Variants in TINAG observed in about 807,000 individuals in gnomAD.
The protein encoded by TINAG is tubulointerstitial nephritis antigen.
In TINAG, 83 loss-of-function variants were observed where a neutral mutation model predicts 72.7. The ratio of observed to expected loss-of-function variants is 1.14; its 90% CI spans 0.96 to 1.37. The LOEUF is 1.37. Ranked by LOEUF, TINAG falls within the 40% of genes most tolerant of loss-of-function variation. The pLI, the probability that TINAG is intolerant of heterozygous loss-of-function variation, is 0.00. For missense variants in TINAG, 685 were observed against 576.6 expected, an observed-to-expected ratio of 1.19 and a Z score of -1.93; for synonymous variants, 234 against 189.9, an observed-to-expected ratio of 1.23 and a Z score of -1.91.
intron 8 of TINAG, among the ~76,000 whole-genome samples, chr6:54,354,249 C>T (rs78386871): frequency 1.3e-5 from 2 of 151,856 alleles, no homozygotes; most frequent in African/African-American, 4.8e-5. Context: ...TTGGTAGTAG[C>T]GTCTCTGTTG....
At chr6:54,330,929 A>G (rs1280791600) in intron 4 of TINAG, among the ~76,000 whole-genome samples, 1 of 152,202 alleles carries the variant, frequency 6.6e-6, no homozygotes. Flanking sequence ...CCCTGCACAA[A>G]GACCAGTAAC....
intron 10 of TINAG, 146 bp downstream of exon 10, chr6:54,380,717 C>CTTA (rs1763920985): frequency 1.0e-5 from 5 of 494,374 alleles, no homozygotes; most frequent in Non-Finnish European, 7.0e-6. Flanking sequence ...CAGCACAAAA[C>CTTA]TTATTATAAA....
chr6:54,348,570 A>G (rs1785183262), intron 6 of TINAG, among the ~76,000 whole-genome samples: 1 of 152,032 alleles, frequency 6.6e-6, no homozygotes, highest in Non-Finnish European at 1.5e-5. Flanking sequence ...TCAGATGGAC[A>G]CCTTCTCACA....
At chr6:54,374,452 G>C (rs7758586) in intron 9 of TINAG, among the ~76,000 whole-genome samples, 2 of 151,972 alleles carry the variant, frequency 1.3e-5, no homozygotes, top group African/African-American at 4.8e-5. Flanking sequence ...TGTGGAGTCT[G>C]TTTCTATCCA....
chr6:54,382,749 A>G (rs1419152161), intron 10 of TINAG, among the ~76,000 whole-genome samples: 1 of 152,064 alleles, frequency 6.6e-6, no homozygotes, highest in East Asian at 1.9e-4. Flanking sequence ...AACCAATAAA[A>G]TTTGTCTACA....
chr6:54,322,907 T>C (rs1784525059), intron 3 of TINAG, among the ~76,000 whole-genome samples: 1 of 152,212 alleles, frequency 6.6e-6, no homozygotes, highest in Non-Finnish European at 1.5e-5. Flanking sequence ...CTAAAAGGGT[T>C]CAAATGCTAG....
intron 9 of TINAG, among the ~76,000 whole-genome samples, chr6:54,375,437 C>T (rs1282460331): frequency 6.6e-6 from 1 of 152,142 alleles, no homozygotes; most frequent in Non-Finnish European, 1.5e-5. Flanking sequence ...TAATCAGAAA[C>T]ACATCTCTGT....
intron 9 of TINAG, among the ~76,000 whole-genome samples, chr6:54,370,496 T>C (rs1306140462): frequency 6.6e-6 from 1 of 152,152 alleles, no homozygotes; most frequent in Non-Finnish European, 1.5e-5. Context: ...CTCTCAAGTT[T>C]ATTCTTAATT....
intron 5 of TINAG, among the ~76,000 whole-genome samples, chr6:54,344,684 A>T (rs1785079052): frequency 6.6e-6 from 1 of 152,090 alleles, no homozygotes; most frequent in Admixed American, 6.6e-5. Flanking sequence ...AGGGTGGAGG[A>T]TATATTTTGG....
chr6:54,316,660 T>C (rs1160697636), intron 1 of TINAG, among the ~76,000 whole-genome samples: 1 of 152,184 alleles, frequency 6.6e-6, no homozygotes, highest in Non-Finnish European at 1.5e-5. Context: ...CAACATGTCA[T>C]TATCTTTTTG....
At chr6:54,325,398 T>A (rs573236252) in intron 3 of TINAG, among the ~76,000 whole-genome samples, 3 of 152,168 alleles carry the variant, frequency 2.0e-5, no homozygotes, top group Non-Finnish European at 4.4e-5. Context: ...ATGAAACTTA[T>A]GAGTCCAGGT....
intron 1 of TINAG, among the ~76,000 whole-genome samples, chr6:54,311,772 ATGT>A (rs1196024826): frequency 6.6e-6 from 1 of 152,180 alleles, no homozygotes; most frequent in Non-Finnish European, 1.5e-5. Context: ...GACTTAGGTC[ATGT>A]AGACATTAAT....
chr6:54,375,488 C>G (rs1763753267), intron 9 of TINAG, among the ~76,000 whole-genome samples: 1 of 152,132 alleles, frequency 6.6e-6, no homozygotes, highest in Non-Finnish European at 1.5e-5. Context: ...ATTTGATGTA[C>G]CTATTCATTC....
At chr6:54,333,626 A>T (rs9349705) in intron 4 of TINAG, among the ~76,000 whole-genome samples, 121,419 of 150,568 alleles carry the variant, frequency 0.81, 49,346 homozygotes, top group African/African-American at 0.88. Flanking sequence ...TAAAAAAAAA[A>T]AAAATAAAAT....
At chr6:54,322,886 G>A (rs938464702) in intron 3 of TINAG, among the ~76,000 whole-genome samples, 1 of 152,164 alleles carries the variant, frequency 6.6e-6, no homozygotes, top group Admixed American at 6.5e-5. Flanking sequence ...TTGAGAAATT[G>A]AATCAGATTC....
intron 4 of TINAG, among the ~76,000 whole-genome samples, chr6:54,338,566 G>A (rs767327548): frequency 2.8e-4 from 42 of 151,606 alleles, no homozygotes; most frequent in South Asian, 6.3e-4. Context: ...CTAAAAATAC[G>A]AAGAAAAATT....
rs747656159 is a variant in TINAG, at chr6:54,326,762, G to T, written c.510-40G>T. ...TTATAAAAGTGATGTCATATAACCT[G>T]TATATATTTTTCTATATTTTTCTCT... On this transcript the variant is annotated intron_variant, in intron 3 of 10. Transcript: ENST00000259782. 5 of 1,431,516 alleles carry T rather than the reference G, an allele frequency of 3.5e-6. No individual in the cohort carries two copies. The Admixed American group carries it at 1.1e-4, about 31-fold the overall frequency. The allele number at this position is 1,431,516 out of a possible 1,614,324, so 88.7% of individuals were successfully genotyped here.
At chr6:54,308,272 T>C (rs1456069995), upstream of TINAG, among the ~76,000 whole-genome samples, 1 of 152,190 alleles carries the variant, frequency 6.6e-6, no homozygotes, top group South Asian at 2.1e-4. Flanking sequence ...TTTATGTAGA[T>C]ATTTTGATGA....
chr6:54,348,855 T>C (rs1441496062), intron 6 of TINAG, among the ~76,000 whole-genome samples: 2 of 152,156 alleles, frequency 1.3e-5, no homozygotes, highest in Non-Finnish European at 2.9e-5. Flanking sequence ...GTTTTGCTTT[T>C]GTCATGTTCT....
Sources: gnomAD v4.1 joint callset for allele counts (sites outside exome capture counted in the v4.1 genomes callset) on GRCh38, gnomAD v4.1.1 for gene constraint, MANE v1.5 for transcripts, NCBI Gene and HGNC (gene_info 2026-07-23, HGNC 2026-07-21) for gene names.